Variants in SNX24 observed in about 807,000 individuals in gnomAD.
SNX24 encodes the protein sorting nexin-24.
A neutral mutation model predicts 28.7 loss-of-function variants in SNX24; 22 were observed. That is an observed-to-expected ratio of 0.77 (90% CI 0.55 to 1.10). SNX24 has a LOEUF of 1.10. Ranked by LOEUF, SNX24 falls within the 50% of genes least tolerant of loss-of-function variation. The pLI, the probability that SNX24 is intolerant of heterozygous loss-of-function variation, is 0.00. For synonymous variants in SNX24, 69 were observed against 71.5 expected (o/e 0.96, Z 0.18); for missense variants, 221 against 201.1 (o/e 1.10, Z -0.60).
chr5:122,983,670 C>G (rs1382011621), intron 3 of SNX24, among the ~76,000 whole-genome samples: 1 of 152,180 alleles, frequency 6.6e-6, no homozygotes, highest in Admixed American at 6.5e-5. Context: ...GTGGCAAGAT[C>G]ATAGCTCACT....
At chr5:122,956,706 G>C (rs1303872136) in intron 3 of SNX24, among the ~76,000 whole-genome samples, 1 of 152,034 alleles carries the variant, frequency 6.6e-6, no homozygotes, top group East Asian at 1.9e-4. Context: ...GTTGTTCCCT[G>C]GGTTTTTTAT....
intron 5 of SNX24, among the ~76,000 whole-genome samples, chr5:123,026,903 C>A (rs1762863954): frequency 6.6e-6 from 1 of 152,078 alleles, no homozygotes; most frequent in African/African-American, 2.4e-5. Context: ...AGTTAGAAAA[C>A]CCAGAAGTAG....
chr5:122,936,788 T>C lies in SNX24; in HGVS notation c.115T>C (p.Tyr39His). 1.2e-6 allele frequency: 2 copies of C among 1,608,954 alleles called. No homozygotes were observed. The highest frequency in any genetic ancestry group is 8.5e-7 in the Non-Finnish European group (1 of 1,176,304). Residue 39 changes from tyrosine (Y) to histidine (H), a missense_variant, in exon 2 of 7, where the codon TAC becomes CAC. By Grantham distance (83) the Tyr-to-His change is moderately conservative (BLOSUM62 2). Transcript: ENST00000261369. ...NGRKHFVEKRYSEFHALHKKL... is the reference protein window; with the variant it reads ...NGRKHFVEKRHSEFHALHKKL... ...AAGAAAACATTTTGTTGAAAAGAGATACAGCGAATTTCATGCTTTGCACAA... is the reference window on the plus strand; with the variant it reads ...AAGAAAACATTTTGTTGAAAAGAGACACAGCGAATTTCATGCTTTGCACAA...
intron 1 of SNX24, among the ~76,000 whole-genome samples, chr5:122,919,193 A>C (rs1359357396): frequency 1.3e-5 from 2 of 152,236 alleles, no homozygotes; most frequent in Non-Finnish European, 2.9e-5. Context: ...ACAGATCAGG[A>C]AAACTGTTTT....
chr5:122,943,729 A>T (rs1470910262), intron 2 of SNX24, among the ~76,000 whole-genome samples: 1 of 152,124 alleles, frequency 6.6e-6, no homozygotes, highest in African/African-American at 2.4e-5. Flanking sequence ...CCATCATACA[A>T]TACACAATGT....
chr5:122,964,171 AG>A (rs1760612571), intron 3 of SNX24, among the ~76,000 whole-genome samples: 1 of 132,160 alleles, frequency 7.6e-6, no homozygotes, highest in Non-Finnish European at 1.5e-5. Context: ...TGAACCCAGG[AG>A]GTGGAGGTTG....
intron 1 of SNX24, among the ~76,000 whole-genome samples, chr5:122,923,858 A>T (rs451897): frequency 0.31 from 47,654 of 152,200 alleles, 8,750 homozygotes; most frequent in East Asian, 0.84. Flanking sequence ...GGTTAAAAAA[A>T]TAATGATTCA....
chr5:122,888,005 A>G (rs1756791534), intron 1 of SNX24, among the ~76,000 whole-genome samples: 1 of 152,158 alleles, frequency 6.6e-6, no homozygotes, highest in African/African-American at 2.4e-5. Flanking sequence ...CTCGGCCTAT[A>G]TTGTATAAAT....
chr5:122,913,967 A>C (rs1758043247), intron 1 of SNX24, among the ~76,000 whole-genome samples: 2 of 152,192 alleles, frequency 1.3e-5, no homozygotes, highest in Admixed American at 6.5e-5. Context: ...AAAACCAGTC[A>C]GGCGTGGCGG....
rs540007072 is a variant in SNX24, at chr5:122,957,999, A to G, written c.249+11840A>G. Reference sequence around the variant, plus strand: ...AGATAATTTTACTTCTTCCATTCCAATTAGGATAGCTTTATTTCTTTTTCT... The same window carrying G: ...AGATAATTTTACTTCTTCCATTCCAGTTAGGATAGCTTTATTTCTTTTTCT... On this transcript the variant is annotated intron_variant, in intron 3 of 6. Coordinates refer to ENST00000261369, the MANE Select transcript of SNX24 (RefSeq NM_014035.4). Among the ~76,000 whole-genome samples, 10 of 152,230 alleles carry G rather than the reference A, an allele frequency of 6.6e-5. No homozygotes were observed. In the South Asian group the frequency reaches 8.3e-4, roughly 13 times the overall value.
chr5:122,892,601 C>A (rs1581713571), intron 1 of SNX24, among the ~76,000 whole-genome samples: 1 of 151,300 alleles, frequency 6.6e-6, no homozygotes, highest in Admixed American at 6.6e-5. Flanking sequence ...CACCATGCCC[C>A]GTTAATTTTT....
At chr5:122,923,839 C>A (rs1758555039) in intron 1 of SNX24, among the ~76,000 whole-genome samples, 1 of 152,194 alleles carries the variant, frequency 6.6e-6, no homozygotes, top group South Asian at 2.1e-4. Flanking sequence ...TACGCTTTAC[C>A]CTTCTTTTGG....
rs1033177759 is a variant in SNX24 at position 122,938,939 on chromosome 5, C to CAAAAA, written c.144+2151_144+2155dup. 2.8e-3 allele frequency among the ~76,000 whole-genome samples: 4 copies of CAAAAA among 1,442 alleles called. 1 individual carries two copies. The highest frequency in any genetic ancestry group is 3.6e-3 in the Non-Finnish European group (4 of 1,116). 0.9% of individuals were successfully genotyped at this position (1,442 alleles called of 152,430 possible). On this transcript the variant is annotated intron_variant, in intron 2 of 6. Transcript: ENST00000261369. ...TGGGCGACAGAGCGAGACTCCGTCT[C>CAAAAA]AAAAAAAAAAAAAAAAAAAAAAAAA...
At chr5:122,870,311 A>G (rs1354183717) in intron 1 of SNX24, among the ~76,000 whole-genome samples, 1 of 152,236 alleles carries the variant, frequency 6.6e-6, no homozygotes, top group East Asian at 1.9e-4. Flanking sequence ...ATCAAAAAGC[A>G]GCAGGAAGCT....
intron 1 of SNX24, among the ~76,000 whole-genome samples, chr5:122,892,006 G>GT (rs1756994806): frequency 6.6e-6 from 1 of 151,742 alleles, no homozygotes; most frequent in South Asian, 2.1e-4. Flanking sequence ...TCACAAATGG[G>GT]GAAGTCCATG....
At position 123,008,200 on chromosome 5, in the gene SNX24, T is replaced by A; in HGVS notation, c.*451T>A. 1 of 986,742 alleles carries A rather than the reference T, an allele frequency of 1.0e-6. No individual in the cohort carries two copies. The highest frequency in any genetic ancestry group is 1.2e-6 in the Non-Finnish European group (1 of 830,938). The allele number at this position is 986,742 out of a possible 1,614,324, so 61.1% of individuals were successfully genotyped here. Reference sequence around the variant, plus strand: ...ACCGTGAGATTTTCTCAGCCAGTGATAGTACATTCTGAAATGCTGGCACCA... The same window carrying A: ...ACCGTGAGATTTTCTCAGCCAGTGAAAGTACATTCTGAAATGCTGGCACCA... On this transcript the variant is annotated 3_prime_UTR_variant, in exon 7 of 7. Transcript: ENST00000261369.
chr5:122,993,719 G>C (rs114350228), intron 3 of SNX24, among the ~76,000 whole-genome samples: 4,274 of 152,286 alleles, frequency 0.028, 76 homozygotes, highest in Middle Eastern at 0.054. Context: ...GCCTCTGTGA[G>C]CTCTTAGGTT....
intron 1 of SNX24, among the ~76,000 whole-genome samples, chr5:122,917,807 G>A (rs1758246697): frequency 6.6e-6 from 1 of 152,180 alleles, no homozygotes; most frequent in Non-Finnish European, 1.5e-5. Context: ...CCGGCCGGGT[G>A]CGGTGGCTTA....
At chr5:122,849,977 A>T (rs1754820501) in intron 1 of SNX24, among the ~76,000 whole-genome samples, 1 of 152,154 alleles carries the variant, frequency 6.6e-6, no homozygotes, top group Non-Finnish European at 1.5e-5. Flanking sequence ...GATTGTGCGA[A>T]GTGATTGCAG....
Sources: gnomAD v4.1 joint callset for allele counts (sites outside exome capture counted in the v4.1 genomes callset) on GRCh38, gnomAD v4.1.1 for gene constraint, MANE v1.5 for transcripts, NCBI Gene and HGNC (gene_info 2026-07-23, HGNC 2026-07-21) for gene names.